The following DENND4A variants were observed in gnomAD, a reference collection of about 807,000 sequenced individuals.
DENND4A encodes DENN domain containing 4A, also known as C-myc promoter-binding protein.
DENND4A carries 70 observed loss-of-function variants against 199.3 expected under a neutral mutation model. The observed-to-expected ratio is 0.35, with a 90% CI of 0.29 to 0.43. DENND4A has a LOEUF of 0.43. Ranked by LOEUF, DENND4A falls within the 20% of genes least tolerant of loss-of-function variation. DENND4A has a pLI of 1.00. For synonymous variants in DENND4A, 686 were observed against 766.9 expected (o/e 0.89, Z 1.74); for missense variants, 1,723 against 2,255.8 (o/e 0.76, Z 4.78).
chr15:65,714,238 C>T (rs948347665), intron 14 of DENND4A, among the ~76,000 whole-genome samples: 4 of 151,838 alleles, frequency 2.6e-5, no homozygotes, highest in African/African-American at 7.3e-5. Context: ...AGTGAAACCC[C>T]ATCTCTACTA....
chr15:65,716,656 T>G (rs1430018682), intron 13 of DENND4A, among the ~76,000 whole-genome samples: 2 of 152,144 alleles, frequency 1.3e-5, no homozygotes, highest in South Asian at 2.1e-4. Context: ...TGTTGGACAT[T>G]TGGGTTGGTT....
chr15:65,740,639 A>C (rs2140470453), intron 5 of DENND4A, among the ~76,000 whole-genome samples: 1 of 151,914 alleles, frequency 6.6e-6, no homozygotes, highest in African/African-American at 2.4e-5. Context: ...TAAAAGAAAA[A>C]AAAAAAAAGG....
intron 4 of DENND4A, among the ~76,000 whole-genome samples, chr15:65,743,932 T>C (rs1315987806): frequency 6.8e-6 from 1 of 146,852 alleles, no homozygotes. Flanking sequence ...CTCTTGGAGA[T>C]AGTGAAAGCC....
chr15:65,720,957 ATATATATATATATATATATATATATTTG>A (rs1052968762), intron 12 of DENND4A, among the ~76,000 whole-genome samples: 2 of 37,974 alleles, frequency 5.3e-5, no homozygotes, highest in African/African-American at 1.3e-4. Context: ...TTATATATAT[ATATATATATATATATATATATATATTTG>A]TACTTTTTGC....
chr15:65,682,758 G>A (rs1054892374), intron 23 of DENND4A, among the ~76,000 whole-genome samples: 4 of 152,094 alleles, frequency 2.6e-5, no homozygotes, highest in Middle Eastern at 3.4e-3. Context: ...TGTGTGACTC[G>A]TCCTTTCATG....
chr15:65,720,947 T>TATTATATATATATATATATATATA (rs1555425654), intron 12 of DENND4A, among the ~76,000 whole-genome samples: 30 of 76,208 alleles, frequency 3.9e-4, no homozygotes, highest in Non-Finnish European at 6.6e-4. Flanking sequence ...GTTTCATTGA[T>TATTATATATATATATATATATATA]TATATATATA....
intron 13 of DENND4A, among the ~76,000 whole-genome samples, chr15:65,716,855 C>T (rs1567039382): frequency 6.6e-6 from 1 of 151,978 alleles, no homozygotes; most frequent in African/African-American, 2.4e-5. Context: ...AGTTTACAGT[C>T]CCACCAACAG....
intron 4 of DENND4A, among the ~76,000 whole-genome samples, chr15:65,742,973 C>G (rs1162961594): frequency 6.6e-6 from 1 of 152,022 alleles, no homozygotes; most frequent in Non-Finnish European, 1.5e-5. Context: ...TTACACAATC[C>G]ATGCACATGA....
intron 31 of DENND4A, 24 bp downstream of exon 31, chr15:65,664,536 T>C: frequency 6.2e-7 from 1 of 1,602,022 alleles, no homozygotes; most frequent in Non-Finnish European, 8.5e-7. Flanking sequence ...GAGAACAATA[T>C]ATTCGTCTAA....
chr15:65,667,738 C>A, intron 28 of DENND4A, 35 bp from the exon 29 acceptor site: 1 of 1,581,036 alleles, frequency 6.3e-7, no homozygotes. Flanking sequence ...ATGGCAAATG[C>A]AAAATAATAC....
At chr15:65,715,364 GA>G in intron 14 of DENND4A, 113 bp downstream of exon 14, 1 of 1,076,968 alleles carries the variant, frequency 9.3e-7, no homozygotes, top group Middle Eastern at 3.0e-4. Flanking sequence ...GGTCAACGAT[GA>G]AAATGAAATT....
chr15:65,744,779 T>C (rs2076346266), intron 4 of DENND4A, among the ~76,000 whole-genome samples: 1 of 152,200 alleles, frequency 6.6e-6, no homozygotes, highest in South Asian at 2.1e-4. Context: ...TTTTGTTGGC[T>C]TGTTTCTCAT....
In DENND4A at chr15:65,741,704, A is replaced by G. The variant is rs1366019796; in HGVS notation, c.631+11T>C. Reference sequence around the variant, plus strand: ...TTATATATGAAGTATTGCATGAAAAATTACACTTACCAGCTTTGTAAGATA... The same window carrying G: ...TTATATATGAAGTATTGCATGAAAAGTTACACTTACCAGCTTTGTAAGATA... On this transcript the variant is annotated intron_variant, in intron 5 of 32. Coordinates refer to ENST00000443035, the MANE Select transcript of DENND4A (RefSeq NM_001320835.1). 6.2e-7 allele frequency: 1 copy of G among 1,610,634 alleles called. No individual in the cohort carries two copies.
rs758665038 is a variant in DENND4A, at chr15:65,690,414, C to T, written c.4179+1G>A. 6.4e-7 allele frequency: 1 copy of T among 1,555,088 alleles called. No homozygotes were observed. Among genetic ancestry groups the T allele is most frequent in the Non-Finnish European group, 8.7e-7 (1 of 1,151,276 alleles). ...AAGTAGCAAATACTAACCAAACTTA[C>T]CTTAGATGATGTGGTGTACATGGTG... On this transcript the variant is annotated splice_donor_variant, in intron 23 of 32. Coordinates refer to ENST00000443035, the MANE Select transcript of DENND4A (RefSeq NM_001320835.1). LOFTEE classifies it high-confidence loss of function.
chr15:65,764,799 C>T (rs984905221), intron 1 of DENND4A, among the ~76,000 whole-genome samples: 4 of 151,532 alleles, frequency 2.6e-5, no homozygotes, highest in South Asian at 2.1e-4. Context: ...ATAGTGAGAC[C>T]CCATCTGTAC....
intron 1 of DENND4A, among the ~76,000 whole-genome samples, chr15:65,765,186 G>A (rs191478389): frequency 6.6e-6 from 1 of 152,294 alleles, no homozygotes; most frequent in East Asian, 1.9e-4. Flanking sequence ...TCACTTAAGT[G>A]TTTGCAAAGT....
rs1567062108 is a variant in DENND4A at position 65,737,954 on chromosome 15, C to G, written c.802-9G>C. ...ATAGCAGCACCATAAACCTGCAAAA[C>G]AAGTAATATATCCAGTAAATATACT... On this transcript the variant is annotated splice_polypyrimidine_tract_variant and intron_variant, in intron 6 of 32. Coordinates refer to ENST00000443035, the MANE Select transcript of DENND4A (RefSeq NM_001320835.1). 2.6e-6 allele frequency: 4 copies of G among 1,564,638 alleles called. No individual in the cohort carries two copies. The highest frequency in any genetic ancestry group is 3.5e-6 in the Non-Finnish European group (4 of 1,153,034).
intron 32 of DENND4A, among the ~76,000 whole-genome samples, chr15:65,663,021 G>A (rs1165772572): frequency 6.6e-6 from 1 of 151,928 alleles, no homozygotes; most frequent in Non-Finnish European, 1.5e-5. Context: ...GGTATCCTCT[G>A]TTTCACCATA....
At chr15:65,777,261 T>C (rs1020637288) in intron 1 of DENND4A, among the ~76,000 whole-genome samples, 2 of 152,192 alleles carry the variant, frequency 1.3e-5, no homozygotes, top group African/African-American at 4.8e-5. Flanking sequence ...GCTGTACTTC[T>C]ATCATCGGGT....
Sources: gnomAD v4.1 joint callset for allele counts (sites outside exome capture counted in the v4.1 genomes callset) on GRCh38, gnomAD v4.1.1 for gene constraint, MANE v1.5 for transcripts, NCBI Gene and HGNC (gene_info 2026-07-23, HGNC 2026-07-21) for gene names.